Variants in PPFIBP1 observed in about 807,000 individuals in gnomAD.
The protein encoded by PPFIBP1 is PPFIB scaffold protein 1, also known as liprin-beta-1.
PPFIBP1 carries 112 observed loss-of-function variants against 137.8 expected under a neutral mutation model. The observed-to-expected ratio is 0.81, with a 90% CI of 0.70 to 0.95. PPFIBP1 has a LOEUF of 0.95. Among genes scored for constraint, PPFIBP1 ranks in the 40% least tolerant of loss-of-function variants. The probability of loss-of-function intolerance (pLI) is 0.00; values close to 1 mark genes in which losing one functional copy is unlikely to be tolerated. For missense variants in PPFIBP1, 1,083 were observed against 1,196.6 expected (o/e 0.91, Z 1.40); for synonymous variants, 378 against 417.3 (o/e 0.91, Z 1.15).
In PPFIBP1 at chr12:27,569,851, G is replaced by C. The variant is rs147042561; in HGVS notation, c.-123-8301G>C. The stretch of plus-strand genomic sequence containing the variant: ...TGGGATTACCGGTGTGAGCCACCGC[G>C]TCCAGCCTACATTTTATACAGTTTC... On this transcript the variant is annotated intron_variant, in intron 1 of 29. Transcript: ENST00000228425. Among the ~76,000 whole-genome samples the C allele has an allele frequency of 3.3e-3, 502 of 152,184 alleles. 2 individuals are homozygous for C. The highest frequency in any genetic ancestry group is 0.031 in the South Asian group (150 of 4,816).
Position 27,652,580 on chromosome 12 carries a change from G to A in PPFIBP1, c.604-2142G>A, listed in dbSNP as rs1183928330. Among the ~76,000 whole-genome samples the A allele has an allele frequency of 2.0e-5, 3 of 152,146 alleles. No individual in the cohort carries two copies. In the South Asian group the frequency reaches 6.2e-4, roughly 32 times the overall value. On this transcript the variant is annotated intron_variant, in intron 7 of 29. Transcript: ENST00000228425. ...TCAGGGGAAGATGTGATTTATTTCAGGTTGGAAATTTAGACCATATTTAAA... is the reference window on the plus strand; with the variant it reads ...TCAGGGGAAGATGTGATTTATTTCAAGTTGGAAATTTAGACCATATTTAAA...
chr12:27,526,634 G>C (rs978395925), intron 1 of PPFIBP1, among the ~76,000 whole-genome samples: 1 of 152,116 alleles, frequency 6.6e-6, no homozygotes, highest in Non-Finnish European at 1.5e-5. Flanking sequence ...AGGAGTTGGA[G>C]ACCAGCCTGG....
chr12:27,566,069 T>TC (rs753896647), intron 1 of PPFIBP1, among the ~76,000 whole-genome samples: 12 of 152,210 alleles, frequency 7.9e-5, no homozygotes, highest in Non-Finnish European at 1.6e-4. Flanking sequence ...AATTTTTTTT[T>TC]CCCAGAAAGA....
At chr12:27,598,338 C>T (rs958231089) in intron 2 of PPFIBP1, among the ~76,000 whole-genome samples, 1 of 152,136 alleles carries the variant, frequency 6.6e-6, no homozygotes, top group African/African-American at 2.4e-5. Flanking sequence ...AGAGCATGTG[C>T]AGGGGAACTC....
intron 2 of PPFIBP1, among the ~76,000 whole-genome samples, chr12:27,611,785 G>GCTCTCT (rs10549025): frequency 1.3e-3 from 175 of 138,130 alleles, no homozygotes; most frequent in African/African-American, 4.6e-3. Flanking sequence ...TCAACACTGT[G>GCTCTCT]CTCTCTCTCT....
At chr12:27,525,506 C>G (rs984424345) in intron 1 of PPFIBP1, among the ~76,000 whole-genome samples, 1 of 95,098 alleles carries the variant, frequency 1.1e-5, no homozygotes, top group Non-Finnish European at 2.0e-5. Flanking sequence ...TCTTTTGGAG[C>G]AGGAAGGAAA....
chr12:27,612,607 C>T (rs1354950124), intron 2 of PPFIBP1, among the ~76,000 whole-genome samples: 4 of 152,152 alleles, frequency 2.6e-5, no homozygotes, highest in African/African-American at 4.8e-5. Context: ...TCTCAGCCTC[C>T]GAAAGTGCTG....
At chr12:27,674,337 G>A (rs926820564) in intron 17 of PPFIBP1, 116 bp downstream of exon 17, 2 of 657,168 alleles carry the variant, frequency 3.0e-6, no homozygotes, top group Non-Finnish European at 5.1e-6. Context: ...TATGCTAAAT[G>A]AAGCCAGACA....
chr12:27,625,874 C>T (rs1192620939), intron 2 of PPFIBP1, among the ~76,000 whole-genome samples: 4 of 152,156 alleles, frequency 2.6e-5, no homozygotes, highest in East Asian at 3.9e-4. Flanking sequence ...TGAGCCACTG[C>T]GCCTGGCCTT....
intron 1 of PPFIBP1, among the ~76,000 whole-genome samples, chr12:27,543,880 C>CTCT (rs1945937833): frequency 9.5e-6 from 1 of 105,812 alleles, no homozygotes; most frequent in Non-Finnish European, 1.8e-5. Flanking sequence ...CCCGCCCCTG[C>CTCT]TTTTTTTTTT....
intron 24 of PPFIBP1, among the ~76,000 whole-genome samples, chr12:27,687,087 T>G (rs1487732804): frequency 6.6e-6 from 1 of 152,212 alleles, no homozygotes; most frequent in Non-Finnish European, 1.5e-5. Flanking sequence ...GATCACCTTT[T>G]GTAGTGACCC....
intron 1 of PPFIBP1, chr12:27,547,909 A>G (rs1023853513): frequency 6.6e-6 from 1 of 152,196 alleles, no homozygotes; most frequent in African/African-American, 2.4e-5. Context: ...GGAGCAATAT[A>G]GTGTCTACTA....
At chr12:27,668,113 C>T (rs2140108018) in intron 13 of PPFIBP1, among the ~76,000 whole-genome samples, 1 of 152,260 alleles carries the variant, frequency 6.6e-6, no homozygotes, top group African/African-American at 2.4e-5. Context: ...TCTGGCTACA[C>T]CGCTTTACAT....
chr12:27,593,759 C>A, intron 2 of PPFIBP1: 2 of 726,200 alleles, frequency 2.8e-6, no homozygotes, highest in South Asian at 4.4e-5. Context: ...AGCCAACGTC[C>A]ATGTCCCAGG....
intron 2 of PPFIBP1, among the ~76,000 whole-genome samples, chr12:27,623,085 A>T (rs2056483649): frequency 6.6e-6 from 1 of 152,162 alleles, no homozygotes; most frequent in African/African-American, 2.4e-5. Flanking sequence ...GAAGCAGTCC[A>T]TGTAGCCTGC....
chr12:27,538,465 A>G (rs1945293675), intron 1 of PPFIBP1, among the ~76,000 whole-genome samples: 1 of 152,236 alleles, frequency 6.6e-6, no homozygotes, highest in Admixed American at 6.5e-5. Flanking sequence ...TCAGTTAATT[A>G]TGACGTAGCA....
At chr12:27,592,606 C>T in intron 2 of PPFIBP1, 7 of 1,594,596 alleles carry the variant, frequency 4.4e-6, no homozygotes, top group Non-Finnish European at 6.0e-6. Flanking sequence ...GATATGCTGC[C>T]TCAGCCAGCT....
In PPFIBP1 at chr12:27,576,215, GTCT is replaced by G. The variant is rs1467339288; in HGVS notation, c.-123-1926_-123-1924del. ...TGGATTTTATAGAACATAGGTTTTT[GTCT>G]TCTTCTTCTTTTTAAACTATTCTAC... On this transcript the variant is annotated intron_variant, in intron 1 of 29. Transcript: ENST00000228425. Among the ~76,000 whole-genome samples, 5 of 151,578 alleles carry G rather than the reference GTCT, an allele frequency of 3.3e-5. No homozygotes were observed. The South Asian group carries it at 8.4e-4, about 25-fold the overall frequency.
chr12:27,647,256 C>T (rs2058574508), intron 5 of PPFIBP1, among the ~76,000 whole-genome samples: 2 of 152,200 alleles, frequency 1.3e-5, no homozygotes, highest in South Asian at 4.1e-4. Flanking sequence ...CCGCCTCAGC[C>T]TCCCAAAGTG....
Sources: allele counts gnomAD v4.1 joint callset (sites outside exome capture counted in the v4.1 genomes callset), GRCh38; gene constraint gnomAD v4.1.1; transcripts MANE v1.5; gene names NCBI Gene and HGNC (gene_info 2026-07-23, HGNC 2026-07-21).